DISP2: variants seen among roughly 807,000 people sequenced by gnomAD.
DISP2 encodes the protein protein dispatched homolog 2.
Under a neutral mutation model 95.5 loss-of-function variants are expected in DISP2, and 59 were observed. The ratio of observed to expected loss-of-function variants is 0.62; its 90% confidence interval spans 0.50 to 0.77. DISP2 has a LOEUF of 0.77. Ranked by LOEUF, DISP2 falls within the 30% of genes least tolerant of loss-of-function variation. The probability of loss-of-function intolerance (pLI) is 0.00; values close to 1 mark genes in which losing one functional copy is unlikely to be tolerated. For synonymous variants in DISP2, 827 were observed against 815.0 expected (o/e 1.01, Z -0.25); for missense variants, 1,752 against 1,854.6 (o/e 0.94, Z 1.02).
rs763045129 is a variant in DISP2 at position 40,365,137 on chromosome 15, TC to T, written c.720-8del. 1.1e-5 allele frequency: 18 copies of T among 1,612,744 alleles called. No individual in the cohort carries two copies. The highest frequency in any genetic ancestry group is 1.1e-5 in the Non-Finnish European group (13 of 1,179,432). ...AATGGTGCCTGGCATAGATATTCTC[TC>T]CACTTCAGCTCGAGCTCCCACAACA... is the stretch of plus-strand genomic sequence containing the variant. On this transcript the variant is annotated splice_polypyrimidine_tract_variant and intron_variant, in intron 5 of 7. Transcript: ENST00000267889.
chr15:40,361,698 T>C (rs1261928744), intron 1 of DISP2, among the ~76,000 whole-genome samples: 1 of 152,242 alleles, frequency 6.6e-6, no homozygotes, highest in Non-Finnish European at 1.5e-5. Flanking sequence ...CCTTCCTAGT[T>C]CCTCTTCTCA....
In DISP2 at chr15:40,374,729, C is replaced by G. The variant is rs1159358506; in HGVS notation, c.*4411C>G. Reference sequence around the variant, plus strand: ...GGTTCACGCCATTCTCCTGCCCCAGCCTCCCGAGCAGTTGGGACTACAGGC... The same window carrying G: ...GGTTCACGCCATTCTCCTGCCCCAGGCTCCCGAGCAGTTGGGACTACAGGC... On this transcript the variant is annotated 3_prime_UTR_variant, in exon 8 of 8. Transcript: ENST00000267889. 2.0e-5 allele frequency: 3 copies of G among 151,764 alleles called. No individual in the cohort carries two copies. Among genetic ancestry groups the G allele is most frequent in the Non-Finnish European group, 4.4e-5 (3 of 68,072 alleles). 9.4% of individuals were successfully genotyped at this position (151,764 alleles called of 1,614,324 possible). A position where few individuals can be genotyped will look rare whatever the true frequency, so the allele number is the denominator to read the frequency against.
Position 40,358,241 on chromosome 15 carries a change from C to A in DISP2, c.-81C>A. Reference sequence around the variant, plus strand: ...CGCATGCGCACGAGCACCCCGCCGCCGCTGCCGCCGCCACCGCCGCCGCCG... The same window carrying A: ...CGCATGCGCACGAGCACCCCGCCGCAGCTGCCGCCGCCACCGCCGCCGCCG... On this transcript the variant is annotated 5_prime_UTR_variant, in exon 1 of 8. Coordinates refer to ENST00000267889, the MANE Select transcript of DISP2 (RefSeq NM_033510.3). The A allele has an allele frequency of 8.0e-6, 8 of 1,001,370 alleles. No individual in the cohort carries two copies. The highest frequency in any genetic ancestry group is 9.8e-6 in the Non-Finnish European group (8 of 813,896). The allele number at this position is 1,001,370 out of a possible 1,614,324, so 62.0% of individuals were successfully genotyped here. A position where few individuals can be genotyped will look rare whatever the true frequency, so the allele number is the denominator to read the frequency against.
intron 1 of DISP2, among the ~76,000 whole-genome samples, chr15:40,358,770 C>T (rs1045103031): frequency 2.0e-5 from 3 of 152,202 alleles, no homozygotes; most frequent in African/African-American, 7.2e-5. Flanking sequence ...GCGTCTTCTC[C>T]GGAAGCCCCA....
In DISP2 at chr15:40,368,337, C is replaced by T; in HGVS notation, c.2225C>T (p.Pro742Leu). The change falls in exon 8 of 8, where the codon CCC becomes CTC. Residue 742 changes from proline to leucine, a missense_variant. By Grantham distance (98) the Pro-to-Leu change is moderately conservative (BLOSUM62 -3). Coordinates refer to ENST00000267889, the MANE Select transcript of DISP2 (RefSeq NM_033510.3). Reference protein sequence around the residue: ...LPPPGGQVFRPSHPFERFDAE... With the variant: ...LPPPGGQVFRLSHPFERFDAE... ...CCGCCCGGCGGCCAGGTCTTCCGGC[C>T]CAGCCACCCCTTCGAGCGCTTCGAC... 6.2e-7 allele frequency: 1 copy of T among 1,604,092 alleles called. No homozygotes were observed. The highest frequency in any genetic ancestry group is 1.1e-5 in the South Asian group (1 of 90,932).
chr15:40,369,909 CCCCAG>C lies in DISP2; in HGVS notation c.3802_3806del (p.Ala1268LeufsTer3). On this transcript the variant is annotated frameshift_variant, in exon 8 of 8. Coordinates refer to ENST00000267889, the MANE Select transcript of DISP2 (RefSeq NM_033510.3). LOFTEE classifies it high-confidence loss of function. The stretch of plus-strand genomic sequence containing the variant: ...GAGCCCCTGCCAGCCTCACCAGAAG[CCCCAG>C]CCCACTCTCCTAAGGCCAAGGCTGC... 6.4e-7 allele frequency: 1 copy of C among 1,574,584 alleles called. No individual in the cohort carries two copies. The highest frequency in any genetic ancestry group is 8.6e-7 in the Non-Finnish European group (1 of 1,158,820).
intron 1 of DISP2, among the ~76,000 whole-genome samples, chr15:40,362,343 G>T (rs1889418856): frequency 6.6e-6 from 1 of 152,228 alleles, no homozygotes; most frequent in Non-Finnish European, 1.5e-5. Flanking sequence ...TCCACTCACA[G>T]CATTCAACAT....
rs778371849 is a variant in DISP2, at chr15:40,367,082, GC to G, written c.971del (p.Ala324ValfsTer98). On this transcript the variant is annotated frameshift_variant, in exon 8 of 8. Transcript: ENST00000267889. LOFTEE classifies it high-confidence loss of function. ...DQIRSHTSFG[A>X]LCQRTAANQC... is the part of the protein sequence containing the mutation. ...GATCCGCTCCCATACCAGCTTCGGG[GC>G]TCTGTGCCAGCGGACAGCAGCCAAC... 3 of 1,611,818 alleles carry G rather than the reference GC, an allele frequency of 1.9e-6. No individual in the cohort carries two copies. Among genetic ancestry groups the G allele is most frequent in the Non-Finnish European group, 2.5e-6 (3 of 1,180,024 alleles).
chr15:40,362,814 T>A (rs1220774045), intron 1 of DISP2, among the ~76,000 whole-genome samples: 1 of 152,154 alleles, frequency 6.6e-6, no homozygotes, highest in African/African-American at 2.4e-5. Context: ...TCCAAGGCTC[T>A]AAGATGGGAA....
intron 1 of DISP2, among the ~76,000 whole-genome samples, 156 bp from the exon 2 acceptor site, chr15:40,363,469 C>T (rs1406918181): frequency 6.6e-6 from 1 of 152,132 alleles, no homozygotes; most frequent in Admixed American, 6.5e-5. Context: ...ACTTCGAGCC[C>T]CTGGCCTCCT....
Position 40,367,999 on chromosome 15 carries a change from C to A in DISP2, c.1887C>A (p.His629Gln). ...ALFMGTAVLV[H>Q]LALTLVWLPA... ...TCATGGGCACGGCTGTGCTGGTGCACCTGGCGCTCACGCTGGTCTGGCTGC... is the reference window on the plus strand; with the variant it reads ...TCATGGGCACGGCTGTGCTGGTGCAACTGGCGCTCACGCTGGTCTGGCTGC... The change falls in exon 8 of 8, where the codon CAC (histidine) becomes CAA (glutamine). Residue 629 changes from histidine (H) to glutamine (Q), a missense_variant. Transcript: ENST00000267889. The A allele has an allele frequency of 6.5e-7, 1 of 1,541,440 alleles. No homozygotes were observed. The highest frequency in any genetic ancestry group is 1.4e-5 in the African/African-American group (1 of 73,326).
Position 40,369,533 on chromosome 15 carries a change from G to A in DISP2, c.3421G>A (p.Gly1141Arg), listed in dbSNP as rs1287385434. 6.2e-7 allele frequency: 1 copy of A among 1,612,840 alleles called. No individual in the cohort carries two copies. The highest frequency in any genetic ancestry group is 1.7e-5 in the Admixed American group (1 of 60,030). ...PWDAGTGDPG[G>R]EKAGRPRPGS... is the part of the protein sequence containing the mutation. ...GGATGCTGGTACTGGGGACCCTGGT[G>A]GGGAGAAGGCAGGCCGCCCACGACC... Residue 1141 changes from glycine (G) to arginine (R), a missense_variant, in exon 8 of 8, where the codon GGG (glycine) becomes AGG (arginine). Coordinates refer to ENST00000267889, the MANE Select transcript of DISP2 (RefSeq NM_033510.3).
chr15:40,363,666 G>A lies in DISP2; in HGVS notation c.161G>A (p.Arg54Lys), dbSNP rs1423970116. 2 of 1,576,172 alleles carry A rather than the reference G, an allele frequency of 1.3e-6. No individual in the cohort carries two copies. Among genetic ancestry groups the A allele is most frequent in the Non-Finnish European group, 1.7e-6 (2 of 1,160,858 alleles). ...GTGCCCCCTGAGGCAAGCCCAGAGA[G>A]AAGCTGCTCCCTCCACAGCTGCCCC... is the stretch of plus-strand genomic sequence containing the variant. ...KAVPPEASPE[R>K]SCSLHSCPLE... Residue 54 changes from arginine (R) to lysine (K), a missense_variant, in exon 2 of 8, where the codon AGA (arginine) becomes AAA (lysine). Arg to Lys is a conservative substitution (Grantham distance 26, BLOSUM62 2). Around this residue, in one of 5 missense-constraint regions of DISP2, gnomAD observed 342 missense variants for 364.3 expected, o/e 0.94. Coordinates refer to ENST00000267889, the MANE Select transcript of DISP2 (RefSeq NM_033510.3).
chr15:40,358,248 G>GACGCCA lies in DISP2; in HGVS notation c.-74_-73insACGCCA. ...GCACGAGCACCCCGCCGCCGCTGCC[G>GACGCCA]CCGCCACCGCCGCCGCCGCCGCCGC... On this transcript the variant is annotated 5_prime_UTR_variant, in exon 1 of 8. Transcript: ENST00000267889. 2 of 1,034,698 alleles carry GACGCCA rather than the reference G, an allele frequency of 1.9e-6. No homozygotes were observed. Among genetic ancestry groups the GACGCCA allele is most frequent in the Non-Finnish European group, 2.4e-6 (2 of 839,474 alleles). The allele number at this position is 1,034,698 out of a possible 1,614,324, so 64.1% of individuals were successfully genotyped here.
At chr15:40,365,595 G>T in intron 6 of DISP2, 33 bp from the exon 7 acceptor site, 1 of 1,612,026 alleles carries the variant, frequency 6.2e-7, no homozygotes, top group East Asian at 2.2e-5. Flanking sequence ...GGGGCCAAAG[G>T]ACTGAGCTCC....
In DISP2 at chr15:40,368,581, C is replaced by A; in HGVS notation, c.2469C>A (p.Ser823Arg). 1 of 1,604,810 alleles carries A rather than the reference C, an allele frequency of 6.2e-7. No homozygotes were observed. Among genetic ancestry groups the A allele is most frequent in the South Asian group, 1.1e-5 (1 of 91,086 alleles). Residue 823 changes from serine to arginine, a missense_variant, in exon 8 of 8, where the codon AGC (serine) becomes AGA (arginine). Around this residue, in one of 5 missense-constraint regions of DISP2, gnomAD observed 732 missense variants for 714.6 expected, o/e 1.02. Coordinates refer to ENST00000267889, the MANE Select transcript of DISP2 (RefSeq NM_033510.3). ...TCTGTCACCGGGCCCGGAATCAGAG[C>A]TTCTTCGACACCCTGCAGGAAGGCT... Reference protein sequence around the residue: ...LALCHRARNQSFFDTLQEGWP... With the variant: ...LALCHRARNQRFFDTLQEGWP...
rs753827235 is a variant in DISP2, at chr15:40,370,186, C to T, written c.4074C>T (p.His1358=). ...VYDPSLPASH[H]SSLSWKGRGG... is the part of the protein sequence containing the mutation. ...ACCCATCATTGCCCGCTTCCCATCA[C>T]AGCAGCTTGTCCTGGAAGGGCCGAG... The change falls in exon 8 of 8, where the codon CAC becomes CAT. Residue 1358 remains histidine, a synonymous_variant. Coordinates refer to ENST00000267889, the MANE Select transcript of DISP2 (RefSeq NM_033510.3). 4.3e-6 allele frequency: 7 copies of T among 1,612,090 alleles called. No homozygotes were observed. Among genetic ancestry groups the T allele is most frequent in the African/African-American group, 1.3e-5 (1 of 74,936 alleles).
Position 40,374,014 on chromosome 15 carries a change from A to AAAAAAAAAAAAAAAAAAAAAT in DISP2, c.*3697_*3698insAAAAAAAAAAAAAAAAAAATA. 2.9e-5 allele frequency: 3 copies of AAAAAAAAAAAAAAAAAAAAAT among 104,204 alleles called. No individual in the cohort carries two copies. The highest frequency in any genetic ancestry group is 5.8e-5 in the Non-Finnish European group (3 of 51,294). The allele number at this position is 104,204 out of a possible 1,614,324, so 6.5% of individuals were successfully genotyped here. ...GCGAGACTCCATCTTAAAAAAAAAA[A>AAAAAAAAAAAAAAAAAAAAAT]ATATATATATATATATATGTAAACT... is the stretch of plus-strand genomic sequence containing the variant. On this transcript the variant is annotated 3_prime_UTR_variant, in exon 8 of 8. Transcript: ENST00000267889.
At chr15:40,364,627 C>T (rs1213304512) in intron 4 of DISP2, 83 bp downstream of exon 4, 9 of 1,563,162 alleles carry the variant, frequency 5.8e-6, no homozygotes, top group African/African-American at 1.4e-5. Flanking sequence ...GGTAGGGTAG[C>T]CATGGTAGCC....
Sources: allele counts gnomAD v4.1 joint callset (sites outside exome capture counted in the v4.1 genomes callset), GRCh38; gene constraint gnomAD v4.1.1; regional missense constraint gnomAD v4.1.1; transcripts MANE v1.5; gene names NCBI Gene and HGNC (gene_info 2026-07-23, HGNC 2026-07-21).